ATP2B2: variants seen among roughly 807,000 people sequenced by gnomAD.
ATP2B2 encodes ATPase plasma membrane Ca2+ transporting 2.
ATP2B2 carries 15 observed loss-of-function variants against 120.0 expected under a neutral mutation model. That is an observed-to-expected ratio of 0.12 (90% CI 0.08 to 0.19). ATP2B2 has a LOEUF of 0.19. Among genes scored for constraint, ATP2B2 ranks in the 10% least tolerant of loss-of-function variants. The pLI, the probability that ATP2B2 is intolerant of heterozygous loss-of-function variation, is 1.00. For synonymous variants in ATP2B2, 694 were observed against 700.3 expected (o/e 0.99, Z 0.14); for missense variants, 1,045 against 1,719.8 (o/e 0.61, Z 6.94).
intron 22 of ATP2B2, among the ~76,000 whole-genome samples, chr3:10,330,689 G>A (rs914553093): frequency 6.6e-6 from 1 of 152,242 alleles, no homozygotes; most frequent in African/African-American, 2.4e-5. Flanking sequence ...GGAGGCCCCT[G>A]AAGTCCCAGG....
At chr3:10,637,588 A>T (rs895451059) in intron 1 of ATP2B2, among the ~76,000 whole-genome samples, 5 of 152,238 alleles carry the variant, frequency 3.3e-5, no homozygotes, top group African/African-American at 1.2e-4. Flanking sequence ...GAAACTACCC[A>T]AAATGAAATA....
intron 18 of ATP2B2, among the ~76,000 whole-genome samples, chr3:10,344,568 T>C (rs573132832): frequency 6.6e-6 from 1 of 152,314 alleles, no homozygotes; most frequent in Non-Finnish European, 1.5e-5. Context: ...CCCAGGTGGC[T>C]ACTGGGAGTG....
At chr3:10,655,217 G>GTCGCTTAACTCTGCTCT (rs2070585053) in intron 1 of ATP2B2, among the ~76,000 whole-genome samples, 1 of 152,176 alleles carries the variant, frequency 6.6e-6, no homozygotes, top group African/African-American at 2.4e-5. Context: ...CAATCCCTCT[G>GTCGCTTAACTCTGCTCT]TCGCTTAACT....
intron 1 of ATP2B2, among the ~76,000 whole-genome samples, chr3:10,488,236 T>C (rs905469772): frequency 1.3e-5 from 1 of 78,298 alleles, no homozygotes; most frequent in South Asian, 5.9e-4. Context: ...CATCCACCTA[T>C]CCATCCATCC....
At chr3:10,435,462 T>C (rs774906255) in intron 2 of ATP2B2, among the ~76,000 whole-genome samples, 2 of 152,272 alleles carry the variant, frequency 1.3e-5, no homozygotes, top group Non-Finnish European at 2.9e-5. Context: ...CCTGTCCCCA[T>C]TTTGAGGTGA....
At position 10,429,897 on chromosome 3, in the gene ATP2B2, T is replaced by C. The variant is rs541951597; in HGVS notation, c.200-19082A>G. ...TGAAATGGAGAAAGTTTGAGTGGTT[T>C]GGATAGAAGATCAAACCAGCCACAA... On this transcript the variant is annotated intron_variant, in intron 2 of 22. Transcript: ENST00000360273. Among the ~76,000 whole-genome samples the C allele has an allele frequency of 2.8e-3, 422 of 152,344 alleles. 2 individuals carry two copies. Among genetic ancestry groups the C allele is most frequent in the Admixed American group, 6.9e-3 (106 of 15,300 alleles).
intron 2 of ATP2B2, among the ~76,000 whole-genome samples, chr3:10,536,103 T>C (rs185858636): frequency 6.6e-6 from 1 of 152,308 alleles, no homozygotes; most frequent in African/African-American, 2.4e-5. Context: ...TGAGGGTTTA[T>C]TTTGCATTTC....
chr3:10,534,144 G>A (rs566719145), intron 2 of ATP2B2: 2 of 152,754 alleles, frequency 1.3e-5, no homozygotes, highest in Non-Finnish European at 2.9e-5. Context: ...CTGGAAAAGG[G>A]GAAAGATGGC....
chr3:10,516,461 C>T (rs941240109), intron 3 of ATP2B2, among the ~76,000 whole-genome samples: 3 of 152,172 alleles, frequency 2.0e-5, no homozygotes, highest in African/African-American at 7.2e-5. Context: ...GTTGCTGACC[C>T]CAAAGGCACT....
chr3:10,372,074 G>A (rs962582169), intron 11 of ATP2B2, 23 bp from the exon 12 acceptor site: 2 of 1,613,866 alleles, frequency 1.2e-6, no homozygotes, highest in Admixed American at 3.3e-5. Context: ...GCAGGTGAGA[G>A]GGCAACAGTG....
chr3:10,342,550 T>G lies in ATP2B2; in HGVS notation c.2917+202A>C, dbSNP rs2060308642. Among the ~76,000 whole-genome samples, 1 of 152,210 alleles carries G rather than the reference T, an allele frequency of 6.6e-6. No individual in the cohort carries two copies. Among genetic ancestry groups the G allele is most frequent in the East Asian group, 1.9e-4 (1 of 5,142 alleles). On this transcript the variant is annotated intron_variant, in intron 19 of 22. Transcript: ENST00000360273. The surrounding 1 kb of genome is among the most constrained non-coding windows in gnomAD (Gnocchi z 4.4). ...AGAAAGCCACTGATGGCTTTAGGGT[T>G]AGCCAGAGCTGGGACAGGGCCAGGC...
chr3:10,383,479 G>A (rs2061587989), intron 8 of ATP2B2, among the ~76,000 whole-genome samples: 1 of 152,172 alleles, frequency 6.6e-6, no homozygotes, highest in Non-Finnish European at 1.5e-5. Context: ...CTTTTCTTGG[G>A]GTAAAGCCCT....
intron 5 of ATP2B2, among the ~76,000 whole-genome samples, chr3:10,389,410 T>C (rs772413024): frequency 6.6e-6 from 1 of 152,194 alleles, no homozygotes. Context: ...AATGGAATAT[T>C]ATTCAGCCTT....
intron 2 of ATP2B2, among the ~76,000 whole-genome samples, chr3:10,424,789 G>T (rs1163878822): frequency 6.6e-6 from 1 of 152,194 alleles, no homozygotes; most frequent in Non-Finnish European, 1.5e-5. Context: ...AAAGCAAGTT[G>T]CAGAACAATG....
intron 14 of ATP2B2, among the ~76,000 whole-genome samples, chr3:10,355,471 C>A (rs1303139046): frequency 6.6e-6 from 1 of 152,156 alleles, no homozygotes; most frequent in Non-Finnish European, 1.5e-5. Flanking sequence ...GGTAAGTCTT[C>A]CAGTCAACTA....
At chr3:10,595,121 G>C (rs2068735527) in intron 2 of ATP2B2, among the ~76,000 whole-genome samples, 1 of 152,218 alleles carries the variant, frequency 6.6e-6, no homozygotes, top group South Asian at 2.1e-4. Flanking sequence ...CCAGGATGCT[G>C]ACCGCAGTGC....
At chr3:10,437,295 C>T (rs941435745) in intron 2 of ATP2B2, among the ~76,000 whole-genome samples, 1 of 152,172 alleles carries the variant, frequency 6.6e-6, no homozygotes, top group African/African-American at 2.4e-5. Context: ...TGATGATGGT[C>T]TCCACTTCCA....
rs143529359 is a variant in ATP2B2 at position 10,413,571 on chromosome 3, C to T, written c.200-2756G>A. Among the ~76,000 whole-genome samples, 165 of 152,304 alleles carry T rather than the reference C, an allele frequency of 1.1e-3. 1 individual carries two copies. Among genetic ancestry groups the T allele is most frequent in the African/African-American group, 3.7e-3 (155 of 41,564 alleles). On this transcript the variant is annotated intron_variant, in intron 2 of 22. Transcript: ENST00000360273. The stretch of plus-strand genomic sequence containing the variant: ...GCCCAGGGTAGCCTTGATCTAAGTG[C>T]GTGGGAACACTTCCTCCACTGTTCT...
At chr3:10,338,020 T>G (rs1178763867) in intron 22 of ATP2B2, among the ~76,000 whole-genome samples, 156 bp downstream of exon 22, 1 of 152,036 alleles carries the variant, frequency 6.6e-6, no homozygotes, top group East Asian at 1.9e-4. Context: ...CAGGAGTGGG[T>G]GTGCAAGTGG....
Sources: allele counts gnomAD v4.1 joint callset (sites outside exome capture counted in the v4.1 genomes callset), GRCh38; gene constraint gnomAD v4.1.1; non-coding constraint Gnocchi (gnomAD v3.1); transcripts MANE v1.5; gene names NCBI Gene and HGNC (gene_info 2026-07-23, HGNC 2026-07-21).